Variants in SESN2 observed in about 807,000 individuals in gnomAD.
The protein encoded by SESN2 is sestrin-2.
In SESN2, 42 loss-of-function variants were observed where a neutral mutation model predicts 56.0. The observed-to-expected ratio is 0.75, with a 90% CI of 0.59 to 0.97. The LOEUF is 0.97. Ranked by LOEUF, SESN2 falls within the 50% of genes least tolerant of loss-of-function variation. SESN2 has a pLI of 0.00. For missense variants in SESN2, 507 were observed against 649.4 expected, an observed-to-expected ratio of 0.78 and a Z score of 2.38; for synonymous variants, 264 against 267.1, an observed-to-expected ratio of 0.99 and a Z score of 0.11.
intron 1 of SESN2, among the ~76,000 whole-genome samples, chr1:28,268,901 T>C (rs573853186): frequency 6.6e-6 from 1 of 152,302 alleles, no homozygotes; most frequent in African/African-American, 2.4e-5. Flanking sequence ...TGCAGCATGA[T>C]GGCTATATAG....
chr1:28,267,103 G>A (rs1647584149), intron 1 of SESN2, among the ~76,000 whole-genome samples: 1 of 152,158 alleles, frequency 6.6e-6, no homozygotes, highest in Non-Finnish European at 1.5e-5. Flanking sequence ...CCCTGAGGTG[G>A]AGGCCCAGTT....
chr1:28,278,253 GA>G (rs749502942), intron 8 of SESN2, among the ~76,000 whole-genome samples: 1 of 152,096 alleles, frequency 6.6e-6, no homozygotes, highest in Non-Finnish European at 1.5e-5. Context: ...TATGGCCCCT[GA>G]GCTAGGCAGA....
At chr1:28,279,831 C>T (rs1259056597) in intron 9 of SESN2, among the ~76,000 whole-genome samples, 5 of 151,344 alleles carry the variant, frequency 3.3e-5, no homozygotes, top group Admixed American at 1.3e-4. Flanking sequence ...TGTGAGTCAT[C>T]GTGCCTGGCC....
chr1:28,274,136 C>CACCCCCTACCTTCCGGGCCCAGGT lies in SESN2; in HGVS notation c.1000_1020+3dup, dbSNP rs1647935543. 1.2e-6 allele frequency: 2 copies of CACCCCCTACCTTCCGGGCCCAGGT among 1,612,874 alleles called. No individual in the cohort carries two copies. The highest frequency in any genetic ancestry group is 3.3e-4 in the Middle Eastern group (2 of 6,056). On this transcript the variant is annotated inframe_insertion, in exon 7 of 10. Coordinates refer to ENST00000253063, the MANE Select transcript of SESN2 (RefSeq NM_031459.5). The stretch of plus-strand genomic sequence containing the variant: ...GACTTCACTCGGAGAGGGGCTCAGG[C>CACCCCCTACCTTCCGGGCCCAGGT]ACCCCCTACCTTCCGGGCCCAGGTA...
At position 28,271,853 on chromosome 1, in the gene SESN2, C is replaced by T. The variant is rs775819956; in HGVS notation, c.336C>T (p.Arg112=). Residue 112 remains arginine (R), a synonymous_variant, in exon 3 of 10, where the codon CGC becomes CGT. Coordinates refer to ENST00000253063, the MANE Select transcript of SESN2 (RefSeq NM_031459.5). ...ATGGTCCCTTGGCCAGCTCCTGGCG[C>T]CACTACATTGCCATCATGGTGAGCC... is the stretch of plus-strand genomic sequence containing the variant. ...HTDGPLASSW[R]HYIAIMAAAR... 8.7e-6 allele frequency: 14 copies of T among 1,614,050 alleles called. No homozygotes were observed. The Admixed American group carries it at 2.0e-4, about 23-fold the overall frequency.
chr1:28,272,842 C>G (rs781220338), intron 5 of SESN2, 49 bp downstream of exon 5: 1 of 1,083,976 alleles, frequency 9.2e-7, no homozygotes, highest in Non-Finnish European at 1.4e-6. Context: ...GGCATGACCT[C>G]TGGTCCTTAG....
chr1:28,270,746 A>G (rs1484349824), intron 2 of SESN2, among the ~76,000 whole-genome samples: 2 of 152,072 alleles, frequency 1.3e-5, no homozygotes, highest in Non-Finnish European at 2.9e-5. Context: ...CTAATTTTGT[A>G]TTAGCAGAGA....
chr1:28,271,590 A>T, intron 2 of SESN2, 84 bp from the exon 3 acceptor site: 1 of 1,085,798 alleles, frequency 9.2e-7, no homozygotes, highest in Non-Finnish European at 1.4e-6. Flanking sequence ...TCTTGCCATT[A>T]AAAACCCACT....
At chr1:28,273,277 T>A (rs1647854324) in intron 5 of SESN2, 81 bp from the exon 6 acceptor site, 4 of 1,377,244 alleles carry the variant, frequency 2.9e-6, no homozygotes, top group Non-Finnish European at 3.9e-6. Flanking sequence ...TAGGAAGGCC[T>A]GGCCTCTGGG....
At chr1:28,260,714 C>A (rs990753615) in intron 1 of SESN2, among the ~76,000 whole-genome samples, 1 of 152,060 alleles carries the variant, frequency 6.6e-6, no homozygotes, top group East Asian at 1.9e-4. Flanking sequence ...TCCACCCCCC[C>A]GCATTCGCAT....
intron 4 of SESN2, 51 bp downstream of exon 4, chr1:28,272,517 G>C: frequency 6.2e-7 from 1 of 1,609,028 alleles, no homozygotes; most frequent in Non-Finnish European, 8.5e-7. Flanking sequence ...GGCCTGGCTG[G>C]TGCCTGGTGG....
At chr1:28,278,629 TC>T (rs1387771030) in intron 8 of SESN2, among the ~76,000 whole-genome samples, 1 of 152,204 alleles carries the variant, frequency 6.6e-6, no homozygotes, top group African/African-American at 2.4e-5. Flanking sequence ...TTTCTGCAAC[TC>T]TGAAATCAAG....
intron 1 of SESN2, among the ~76,000 whole-genome samples, chr1:28,265,893 A>G (rs973328019): frequency 1.3e-5 from 2 of 152,088 alleles, no homozygotes; most frequent in African/African-American, 4.8e-5. Context: ...CCACCTCCTC[A>G]ATGGCTTCTC....
chr1:28,278,491 CAGG>C (rs1222777837), intron 8 of SESN2, among the ~76,000 whole-genome samples: 1 of 152,190 alleles, frequency 6.6e-6, no homozygotes, highest in African/African-American at 2.4e-5. Flanking sequence ...TGCTTGAACT[CAGG>C]AGGCTGAGGT....
Position 28,281,593 on chromosome 1 carries a change from G to A in SESN2, c.*791G>A, listed in dbSNP as rs1311412835. The stretch of plus-strand genomic sequence containing the variant: ...AGGTTCCAACCTGGAGCCACAGTGT[G>A]TGAGAGGAGGAGGAGAGGGAGAATT... On this transcript the variant is annotated 3_prime_UTR_variant, in exon 10 of 10. Coordinates refer to ENST00000253063, the MANE Select transcript of SESN2 (RefSeq NM_031459.5). 6.6e-6 allele frequency: 1 copy of A among 152,246 alleles called. No homozygotes were observed. Among genetic ancestry groups the A allele is most frequent in the Non-Finnish European group, 1.5e-5 (1 of 68,070 alleles). The allele number at this position is 152,246 out of a possible 1,614,324, so 9.4% of individuals were successfully genotyped here. A position where few individuals can be genotyped will look rare whatever the true frequency, so the allele number is the denominator to read the frequency against.
intron 1 of SESN2, among the ~76,000 whole-genome samples, chr1:28,266,556 CTTTTTTTTT>C: frequency 8.5e-6 from 1 of 116,996 alleles, no homozygotes; most frequent in East Asian, 2.4e-4. Flanking sequence ...AGAGCCCCAT[CTTTTTTTTT>C]TTTTTTTTTT....
chr1:28,260,584 T>C (rs1647340620), intron 1 of SESN2, among the ~76,000 whole-genome samples: 1 of 152,172 alleles, frequency 6.6e-6, no homozygotes, highest in South Asian at 2.1e-4. Flanking sequence ...GGGACAACCC[T>C]GGTCGCGGCT....
chr1:28,273,307 C>A, intron 5 of SESN2, 51 bp from the exon 6 acceptor site: 2 of 1,499,100 alleles, frequency 1.3e-6, no homozygotes, highest in East Asian at 2.3e-5. Context: ...TGGAGCTTCC[C>A]AGAGGCTGAA....
chr1:28,264,379 CCT>C (rs1475771721), intron 1 of SESN2, among the ~76,000 whole-genome samples: 3 of 152,070 alleles, frequency 2.0e-5, no homozygotes, highest in Non-Finnish European at 4.4e-5. Flanking sequence ...GGGCCATTAT[CCT>C]CTTTTTACAG....
Sources: gnomAD v4.1 joint callset for allele counts (sites outside exome capture counted in the v4.1 genomes callset) on GRCh38, gnomAD v4.1.1 for gene constraint, MANE v1.5 for transcripts, NCBI Gene and HGNC (gene_info 2026-07-23, HGNC 2026-07-21) for gene names.